Variants in ACOT11 observed in about 807,000 individuals in gnomAD.
The protein encoded by ACOT11 is acyl-CoA thioesterase 11.
Under a neutral mutation model 77.5 loss-of-function variants are expected in ACOT11, and 69 were observed. That is an observed-to-expected ratio of 0.89 (90% CI 0.73 to 1.09). ACOT11 has a LOEUF of 1.09. ACOT11 is among the 50% of genes least tolerant of loss of function. ACOT11 has a pLI of 0.00. For synonymous variants in ACOT11, 279 were observed against 313.0 expected, an observed-to-expected ratio of 0.89 and a Z score of 1.15; for missense variants, 766 against 813.7, an observed-to-expected ratio of 0.94 and a Z score of 0.71.
chr1:54,582,869 TG>T (rs1333164772), intron 1 of ACOT11, among the ~76,000 whole-genome samples: 1 of 152,080 alleles, frequency 6.6e-6, no homozygotes, highest in African/African-American at 2.4e-5. Flanking sequence ...AAGTGGGCAT[TG>T]TCTCCCCATT....
At chr1:54,612,628 T>C, downstream of ACOT11, 1 of 1,614,052 alleles carries the variant, frequency 6.2e-7, no homozygotes, top group Non-Finnish European at 8.5e-7. Flanking sequence ...TACGTCCTGT[T>C]TGGGGACGTG....
chr1:54,559,960 G>A (rs1653405810), intron 1 of ACOT11, among the ~76,000 whole-genome samples: 1 of 152,232 alleles, frequency 6.6e-6, no homozygotes, highest in South Asian at 2.1e-4. Context: ...GTGGCTCCAG[G>A]GACAGATGGT....
At chr1:54,586,016 A>T (rs1654485856) in intron 3 of ACOT11, 112 bp downstream of exon 3, 1 of 1,111,696 alleles carries the variant, frequency 9.0e-7, no homozygotes, top group East Asian at 2.8e-5. Flanking sequence ...GCCTGACTCA[A>T]CTGACTGAAA....
intron 15 of ACOT11, chr1:54,623,487 C>G: frequency 1.1e-6 from 1 of 887,298 alleles, no homozygotes; most frequent in East Asian, 2.4e-5. Flanking sequence ...GCAGGAGCTC[C>G]CAGCAGCACC....
At chr1:54,620,511 G>C (rs1644219376) in intron 15 of ACOT11, among the ~76,000 whole-genome samples, 2 of 151,996 alleles carry the variant, frequency 1.3e-5, no homozygotes, top group African/African-American at 4.8e-5. Flanking sequence ...TTCGAGACCA[G>C]CCTGGCCAAC....
downstream of ACOT11, chr1:54,614,616 A>G (rs754988553): frequency 2.8e-6 from 4 of 1,404,782 alleles, no homozygotes; most frequent in Admixed American, 2.2e-5. Flanking sequence ...AGACAAACTC[A>G]GAGGTCCCCT....
intron 6 of ACOT11, 85 bp from the exon 7 acceptor site, chr1:54,597,174 G>T: frequency 6.5e-7 from 1 of 1,544,218 alleles, no homozygotes; most frequent in African/African-American, 1.4e-5. Flanking sequence ...GAGTGGTGGG[G>T]GTCCCAGGGC....
exon 17 of ACOT11, chr1:54,635,007 G>T: frequency 2.3e-6 from 1 of 426,866 alleles, no homozygotes; most frequent in Non-Finnish European, 4.1e-6. Context: ...ATAAGGGCTG[G>T]TAATAATGCC....
downstream of ACOT11, among the ~76,000 whole-genome samples, chr1:54,612,013 T>C (rs1388896896): frequency 6.9e-6 from 1 of 145,390 alleles, no homozygotes; most frequent in African/African-American, 2.6e-5. Flanking sequence ...AGTCCTGTCT[T>C]AGGAAAGGGG....
Position 54,607,396 on chromosome 1 carries a change from C to T in ACOT11, c.1502+131C>T, listed in dbSNP as rs185360410. 5.4e-4 allele frequency: 714 copies of T among 1,332,948 alleles called. 1 individual carries two copies. The African/African-American group carries it at 9.6e-3, about 18-fold the overall frequency. 82.6% of individuals were successfully genotyped at this position (1,332,948 alleles called of 1,614,324 possible). ...TTCCCATTGGCTGTGGGGCCCCAGG[C>T]ACCACTAGACTTTTCTGGGCTGCTG... On this transcript the variant is annotated intron_variant, in intron 14 of 15. Transcript: ENST00000343744. The surrounding 1 kb of genome is among the most constrained non-coding windows in gnomAD (Gnocchi z 4.5).
chr1:54,548,411 C>T (rs1001023669), intron 1 of ACOT11, 69 bp downstream of exon 1: 26 of 1,536,298 alleles, frequency 1.7e-5, no homozygotes, highest in East Asian at 2.4e-5. Flanking sequence ...ATTGATGTTT[C>T]CATTTTAACT....
At chr1:54,622,919 A>G (rs1013859538) in intron 15 of ACOT11, among the ~76,000 whole-genome samples, 24 of 152,090 alleles carry the variant, frequency 1.6e-4, no homozygotes, top group African/African-American at 5.1e-4. Flanking sequence ...TCACACCTGT[A>G]ATCCCAGCAC....
At chr1:54,624,903 G>C (rs1644262485) in intron 15 of ACOT11, among the ~76,000 whole-genome samples, 1 of 151,956 alleles carries the variant, frequency 6.6e-6, no homozygotes, top group Non-Finnish European at 1.5e-5. Flanking sequence ...GTAGGATGTG[G>C]GGAACGGTGG....
At chr1:54,596,603 T>C (rs1755584) in intron 6 of ACOT11, among the ~76,000 whole-genome samples, 3,122 of 152,338 alleles carry the variant, frequency 0.02, 102 homozygotes, top group African/African-American at 0.07. Flanking sequence ...AGACAGAGTC[T>C]CACTCTGTTG....
At chr1:54,562,267 G>C (rs1569653146) in intron 1 of ACOT11, among the ~76,000 whole-genome samples, 1 of 120,428 alleles carries the variant, frequency 8.3e-6, no homozygotes, top group African/African-American at 3.7e-5. Flanking sequence ...CAGGCGGGGG[G>C]CTGACCCCCC....
At chr1:54,610,424 T>C, downstream of ACOT11, 1 of 1,613,402 alleles carries the variant, frequency 6.2e-7, no homozygotes, top group Middle Eastern at 1.7e-4. Flanking sequence ...GGGAGGGTCA[T>C]TGTTGCTGTT....
intron 16 of ACOT11, among the ~76,000 whole-genome samples, chr1:54,634,333 T>C (rs1305740780): frequency 1.3e-5 from 2 of 152,230 alleles, no homozygotes; most frequent in Non-Finnish European, 2.9e-5. Flanking sequence ...CTAGTAATGG[T>C]AAAGCTTCTT....
rs981893112 is a variant in ACOT11, at chr1:54,623,568, C to T, written c.1630-7166C>T. The T allele has an allele frequency of 6.6e-6, 4 of 609,570 alleles. No individual in the cohort carries two copies. In the African/African-American group the frequency reaches 7.3e-5, roughly 11 times the overall value. 37.8% of individuals were successfully genotyped at this position (609,570 alleles called of 1,614,324 possible). ...CCTCTGGAGATAACCCCTGAAGCCCCTCCTCCCTCCCCGCCCCAATCCTCT... is the reference window on the plus strand; with the variant it reads ...CCTCTGGAGATAACCCCTGAAGCCCTTCCTCCCTCCCCGCCCCAATCCTCT... On this transcript the variant is annotated intron_variant, in intron 15 of 16. Coordinates refer to the ACOT11 transcript ENST00000371316.
Position 54,607,692 on chromosome 1 carries a change from G to A in ACOT11, c.1503-250G>A, listed in dbSNP as rs1644045204. Among the ~76,000 whole-genome samples the A allele has an allele frequency of 6.6e-6, 1 of 152,108 alleles. No homozygotes were observed. The highest frequency in any genetic ancestry group is 2.4e-5 in the African/African-American group (1 of 41,404). The stretch of plus-strand genomic sequence containing the variant: ...CTTCCCCTGAGCGTTGAAGTGGAGT[G>A]GCTTTTCCAGAAAGTCCACAGTGAA... On this transcript the variant is annotated intron_variant, in intron 14 of 15. Coordinates refer to ENST00000343744, the MANE Select transcript of ACOT11 (RefSeq NM_147161.4). This position sits in a 1 kb window ranked among gnomAD's most constrained non-coding sequence, Gnocchi z 4.5.
Sources: gnomAD v4.1 joint callset for allele counts (sites outside exome capture counted in the v4.1 genomes callset) on GRCh38, gnomAD v4.1.1 for gene constraint, Gnocchi (gnomAD v3.1) non-coding constraint, MANE v1.5 for transcripts, NCBI Gene and HGNC (gene_info 2026-07-23, HGNC 2026-07-21) for gene names.